Variants in MBP observed in about 807,000 individuals in gnomAD.
The protein encoded by MBP is myelin basic protein.
In MBP, 16 loss-of-function variants were observed where a neutral mutation model predicts 35.8. The observed-to-expected ratio is 0.45, with a 90% CI of 0.30 to 0.68. The LOEUF is 0.68. MBP is among the 30% of genes least tolerant of loss of function. MBP has a pLI of 0.08. For synonymous variants in MBP, 143 were observed against 159.6 expected (o/e 0.90, Z 0.78); for missense variants, 380 against 404.7 (o/e 0.94, Z 0.52).
At chr18:77,132,295 C>T (rs1977307849) in intron 1 of MBP, among the ~76,000 whole-genome samples, 1 of 152,186 alleles carries the variant, frequency 6.6e-6, no homozygotes, top group Non-Finnish European at 1.5e-5. Context: ...CGCCCAGCCC[C>T]CGCGCAATGG....
At chr18:77,133,631 A>AC (rs1323836142), upstream of MBP, 4 of 152,112 alleles carry the variant, frequency 2.6e-5, no homozygotes, top group Non-Finnish European at 4.4e-5. Context: ...CCTGACCTAC[A>AC]CCCCCAGTCA....
At chr18:77,035,664 G>T (rs1264458196) in intron 3 of MBP, among the ~76,000 whole-genome samples, 2 of 152,232 alleles carry the variant, frequency 1.3e-5, no homozygotes, top group Non-Finnish European at 1.5e-5. Flanking sequence ...AGGTGAAGGG[G>T]GGGGGACCAT....
intron 2 of MBP, among the ~76,000 whole-genome samples, chr18:77,080,060 T>A (rs1010887458): frequency 6.6e-6 from 1 of 152,194 alleles, no homozygotes; most frequent in Non-Finnish European, 1.5e-5. Flanking sequence ...CTTTAAGAAC[T>A]GAAGTATCAG....
chr18:77,111,394 A>G (rs1358534650), intron 1 of MBP, among the ~76,000 whole-genome samples: 1 of 152,268 alleles, frequency 6.6e-6, no homozygotes, highest in Non-Finnish European at 1.5e-5. Context: ...AGAGAGGTGC[A>G]GACCCAGTAT....
At chr18:77,074,502 A>T (rs914881710) in intron 2 of MBP, among the ~76,000 whole-genome samples, 4 of 152,200 alleles carry the variant, frequency 2.6e-5, no homozygotes, top group African/African-American at 4.8e-5. Context: ...TAAGCCTGTG[A>T]TATGGAAAGG....
intron 4 of MBP, chr18:77,003,997 A>G (rs5826489): frequency 1.3e-5 from 2 of 151,786 alleles, no homozygotes; most frequent in Non-Finnish European, 2.9e-5. Flanking sequence ...GGAAACTGGA[A>G]CCAGCAGCTA....
At chr18:76,984,602 G>T in intron 8 of MBP, 173 bp downstream of exon 8, 1 of 795,640 alleles carries the variant, frequency 1.3e-6, no homozygotes, top group Non-Finnish European at 2.0e-6. Context: ...AAATCCACGC[G>T]TAAATGCGGG....
intron 1 of MBP, chr18:77,113,926 G>C (rs754286574): frequency 6.6e-6 from 1 of 152,262 alleles, no homozygotes. Context: ...CTGTCCTACA[G>C]CAAGCTTCCC....
At chr18:77,000,517 C>G (rs1970571366) in intron 4 of MBP, among the ~76,000 whole-genome samples, 1 of 152,196 alleles carries the variant, frequency 6.6e-6, no homozygotes, top group African/African-American at 2.4e-5. Context: ...GGGAGGAAGA[C>G]CACGGGTGGC....
intron 3 of MBP, among the ~76,000 whole-genome samples, chr18:77,029,166 C>T (rs1295182100): frequency 3.1e-4 from 38 of 122,998 alleles, no homozygotes; most frequent in African/African-American, 9.3e-4. Context: ...CCCGGCACCT[C>T]GGGAGGCCGA....
In MBP at chr18:77,066,410, CCTTTT is replaced by C. The variant is rs760657126; in HGVS notation, c.52-30_52-26del. 14 of 1,391,994 alleles carry C rather than the reference CCTTTT, an allele frequency of 1.0e-5. No individual in the cohort carries two copies. In the Middle Eastern group the frequency reaches 1.2e-3, roughly 124 times the overall value. 86.2% of individuals were successfully genotyped at this position (1,391,994 alleles called of 1,614,324 possible). On this transcript the variant is annotated intron_variant, in intron 2 of 8. Transcript: ENST00000355994. ...TCTGGAAAAAGAAAACACAACAAAC[CCTTTT>C]CTTAAGATAAATTGTTTTATCAACA...
intron 3 of MBP, among the ~76,000 whole-genome samples, chr18:77,028,665 A>G (rs1430829895): frequency 7.6e-5 from 6 of 79,366 alleles, no homozygotes; most frequent in East Asian, 8.9e-4. Context: ...CTGGCTGGGC[A>G]GAGGGGCTCC....
At chr18:77,115,457 G>A (rs887281018) in intron 1 of MBP, 3 of 152,200 alleles carry the variant, frequency 2.0e-5, no homozygotes, top group African/African-American at 4.8e-5. Flanking sequence ...TCCTATTACG[G>A]AGTCCATGAT....
intron 3 of MBP, among the ~76,000 whole-genome samples, chr18:77,057,824 G>GTTTTTTTTTTTTTTTTTTTTTTT (rs780881071): frequency 1.1e-4 from 1 of 9,192 alleles, no homozygotes; most frequent in Non-Finnish European, 1.5e-4. Flanking sequence ...GGCGGGGAGT[G>GTTTTTTTTTTTTTTTTTTTTTTT]TTTTTTTTTT....
At chr18:77,008,578 C>T (rs550120185) in intron 4 of MBP, among the ~76,000 whole-genome samples, 4 of 152,172 alleles carry the variant, frequency 2.6e-5, no homozygotes, top group Non-Finnish European at 2.9e-5. Flanking sequence ...CAGCCGCAGC[C>T]GCCAGTCACT....
intron 2 of MBP, among the ~76,000 whole-genome samples, chr18:77,091,703 C>T (rs148241384): frequency 2.0e-5 from 3 of 150,274 alleles, no homozygotes; most frequent in Non-Finnish European, 4.4e-5. Context: ...CATCACCATA[C>T]ATGCAAACAC....
intron 3 of MBP, among the ~76,000 whole-genome samples, chr18:77,038,028 A>G (rs763771157): frequency 6.6e-6 from 1 of 152,242 alleles, no homozygotes; most frequent in Non-Finnish European, 1.5e-5. Flanking sequence ...GATGCTCAAA[A>G]GGGTTCCTGT....
intron 2 of MBP, chr18:77,097,372 C>T (rs2000811): frequency 0.34 from 52,101 of 152,154 alleles, 10,176 homozygotes; most frequent in South Asian, 0.6. Context: ...TAGTTTCCCT[C>T]CCTCTCAGCT....
chr18:77,013,863 A>G, intron 4 of MBP: 1 of 985,462 alleles, frequency 1.0e-6, no homozygotes, highest in Non-Finnish European at 1.2e-6. Flanking sequence ...CCACATAAAA[A>G]GGAAGGAACG....
Sources: gnomAD v4.1 joint callset for allele counts (sites outside exome capture counted in the v4.1 genomes callset) on GRCh38, gnomAD v4.1.1 for gene constraint, MANE v1.5 for transcripts, NCBI Gene and HGNC (gene_info 2026-07-23, HGNC 2026-07-21) for gene names.